The following NAV3 variants were observed in gnomAD, a reference collection of about 807,000 sequenced individuals.
NAV3 encodes pore membrane and/or filament interacting like protein 1.
Under a neutral mutation model 244.7 loss-of-function variants are expected in NAV3, and 87 were observed. The observed-to-expected ratio is 0.36, with a 90% confidence interval of 0.30 to 0.42. The LOEUF is 0.42. Ranked by LOEUF, NAV3 falls within the 20% of genes least tolerant of loss-of-function variation. The pLI is 1.00. For synonymous variants in NAV3, 1,126 were observed against 1,042.2 expected (o/e 1.08, Z -1.55); for missense variants, 2,663 against 2,893.3 (o/e 0.92, Z 1.83).
chr12:77,731,838 T>G (rs1041804677), intron 2 of NAV3, among the ~76,000 whole-genome samples: 1 of 151,912 alleles, frequency 6.6e-6, no homozygotes, highest in African/African-American at 2.4e-5. Context: ...AGTGGTTAGG[T>G]GCTGAAGAAG....
chr12:77,604,712 C>T (rs928861764), intron 2 of NAV3, among the ~76,000 whole-genome samples: 2 of 151,962 alleles, frequency 1.3e-5, no homozygotes, highest in South Asian at 2.1e-4. Flanking sequence ...AGCTGGTGCT[C>T]GTATAATGCT....
chr12:77,617,964 G>C lies in NAV3; in HGVS notation c.72+45698G>C, dbSNP rs558806489. On this transcript the variant is annotated intron_variant, in intron 2 of 8. Coordinates refer to the NAV3 transcript ENST00000550042. ...CTATGTGATTCTGAGGCAATAGTTA[G>C]CAAACAACCATGAGAAAGCAGGCCA... 2.6e-5 allele frequency among the ~76,000 whole-genome samples: 4 copies of C among 152,316 alleles called. No individual in the cohort carries two copies. In the South Asian group the frequency reaches 6.2e-4, roughly 24 times the overall value.
chr12:77,824,332 A>G (rs902461795), intron 2 of NAV3, among the ~76,000 whole-genome samples: 5 of 149,472 alleles, frequency 3.3e-5, no homozygotes, highest in African/African-American at 7.5e-5. Context: ...AGCTCAGGCA[A>G]TCCATCCGCC....
chr12:78,132,183 A>G (rs112876910), intron 18 of NAV3, among the ~76,000 whole-genome samples: 17 of 152,110 alleles, frequency 1.1e-4, no homozygotes, highest in African/African-American at 3.9e-4. Flanking sequence ...TTGGGAATGT[A>G]TTTTATTACA....
At chr12:77,962,777 A>G (rs1316863021) in intron 3 of NAV3, among the ~76,000 whole-genome samples, 1 of 152,128 alleles carries the variant, frequency 6.6e-6, no homozygotes, top group Non-Finnish European at 1.5e-5. Context: ...AATAGATTAA[A>G]CAGAAGACAG....
intron 5 of NAV3, among the ~76,000 whole-genome samples, chr12:77,981,447 T>C (rs1003878786): frequency 1.7e-4 from 26 of 152,102 alleles, no homozygotes; most frequent in Admixed American, 1.7e-3. Context: ...TTCATTTCTA[T>C]CCCAAGCAAT....
At chr12:77,915,454 A>T (rs118096768) in intron 1 of NAV3, among the ~76,000 whole-genome samples, 2,451 of 152,146 alleles carry the variant, frequency 0.016, 27 homozygotes, top group Non-Finnish European at 0.021. Context: ...TGTAGAGATT[A>T]TCAATTATTG....
intron 3 of NAV3, among the ~76,000 whole-genome samples, chr12:77,955,015 G>C (rs993376789): frequency 9.9e-5 from 15 of 152,026 alleles, no homozygotes; most frequent in Admixed American, 9.2e-4. Context: ...GTTCCTCATT[G>C]AGCCCTTACT....
At chr12:77,808,749 T>C (rs572490757) in intron 2 of NAV3, among the ~76,000 whole-genome samples, 157 of 152,296 alleles carry the variant, frequency 1.0e-3, no homozygotes, top group African/African-American at 3.7e-3. Flanking sequence ...AGCAGGAATG[T>C]TTAAGTCTGC....
chr12:77,720,520 C>T (rs1244469547), intron 2 of NAV3, among the ~76,000 whole-genome samples: 1 of 152,126 alleles, frequency 6.6e-6, no homozygotes, highest in Non-Finnish European at 1.5e-5. Context: ...TGCTGCTCAG[C>T]TCTCCATTCT....
chr12:77,976,351 CA>C (rs1295663141), intron 5 of NAV3, among the ~76,000 whole-genome samples: 3 of 152,006 alleles, frequency 2.0e-5, no homozygotes, highest in Admixed American at 2.0e-4. Context: ...ATTAAGTCAC[CA>C]AAATCTGTAC....
chr12:77,914,156 A>G lies in NAV3; in HGVS notation c.244-26163A>G, dbSNP rs568276109. Among the ~76,000 whole-genome samples the G allele has an allele frequency of 1.2e-4, 18 of 152,184 alleles. No homozygotes were observed. The East Asian group carries it at 3.3e-3, about 28-fold the overall frequency. On this transcript the variant is annotated intron_variant, in intron 1 of 39. Coordinates refer to ENST00000397909, the MANE Select transcript of NAV3 (RefSeq NM_001024383.2). ...TGCTTCCCATAAATTTATGTTTTGT[A>G]CCAGTGCCAATTTTTAAACTGCCTT...
intron 2 of NAV3, among the ~76,000 whole-genome samples, chr12:77,805,021 T>A (rs1432547216): frequency 1.3e-5 from 2 of 152,244 alleles, no homozygotes; most frequent in African/African-American, 4.8e-5. Flanking sequence ...ATTGGTTATG[T>A]GTCTTGAGAC....
At chr12:77,652,757 A>T (rs570658791) in intron 2 of NAV3, among the ~76,000 whole-genome samples, 10 of 152,350 alleles carry the variant, frequency 6.6e-5, no homozygotes, top group African/African-American at 2.2e-4. Context: ...GATTTTTAAA[A>T]TTATAGATTG....
intron 2 of NAV3, among the ~76,000 whole-genome samples, chr12:77,767,857 G>A (rs1869859831): frequency 6.6e-6 from 1 of 152,228 alleles, no homozygotes. Context: ...CAAAGGAGGT[G>A]TGTGACAGCC....
chr12:77,576,514 G>A (rs1316379248), intron 2 of NAV3, among the ~76,000 whole-genome samples: 1 of 152,054 alleles, frequency 6.6e-6, no homozygotes, highest in African/African-American at 2.4e-5. Flanking sequence ...GAGCTCTACA[G>A]AGTAGAAGTA....
intron 2 of NAV3, among the ~76,000 whole-genome samples, chr12:77,719,745 C>CTTTTCT (rs1218419652): frequency 2.0e-5 from 3 of 151,972 alleles, no homozygotes; most frequent in African/African-American, 7.2e-5. Flanking sequence ...TGATAATGAC[C>CTTTTCT]TGTAGTATTC....
rs2138515266 is a variant in NAV3 at position 78,116,791 on chromosome 12, G to A, written c.2656G>A (p.Val886Met). The A allele has an allele frequency of 1.2e-6, 2 of 1,600,966 alleles. No individual in the cohort carries two copies. The highest frequency in any genetic ancestry group is 1.7e-6 in the Non-Finnish European group (2 of 1,171,526). ...CTTTAGCTGGGATGACAGCAGTTCA[G>A]TGAGCAGTGGTCTCAGTGACACCCT... ...DADSWDDSSSVSSGLSDTLDN... is the reference protein window; with the variant it reads ...DADSWDDSSSMSSGLSDTLDN... Residue 886 changes from valine to methionine, a missense_variant, in exon 13 of 40, where the codon GTG (valine) becomes ATG (methionine). Physicochemically the swap from Val to Met is conservative, Grantham distance 21. Around this residue, in one of 6 missense-constraint regions of NAV3, gnomAD observed 1,521 missense variants for 1,497.0 expected, o/e 1.02. Coordinates refer to ENST00000397909, the MANE Select transcript of NAV3 (RefSeq NM_001024383.2).
intron 2 of NAV3, among the ~76,000 whole-genome samples, chr12:77,609,281 C>T (rs1423971820): frequency 6.6e-6 from 1 of 152,032 alleles, no homozygotes; most frequent in Non-Finnish European, 1.5e-5. Context: ...ATTTAAGGCC[C>T]CCTCAACAAC....
Sources: gnomAD v4.1 joint callset for allele counts (sites outside exome capture counted in the v4.1 genomes callset) on GRCh38, gnomAD v4.1.1 for gene constraint, gnomAD v4.1.1 regional missense constraint, MANE v1.5 for transcripts, NCBI Gene and HGNC (gene_info 2026-07-23, HGNC 2026-07-21) for gene names.